Variants in OR2A1 observed in about 807,000 individuals in gnomAD.
OR2A1 encodes olfactory receptor 2A1/2A42.
For synonymous variants in OR2A1, 2 were observed against 94.7 expected (o/e 0.02, Z 5.68); for missense variants, 1 against 212.3 (o/e 0.00, Z 6.19).
At chr7:144,316,124 T>C (rs554988708) in intron 1 of OR2A1, among the ~76,000 whole-genome samples, 4 of 150,774 alleles carry the variant, frequency 2.7e-5, no homozygotes, top group African/African-American at 9.7e-5. Context: ...AGGAGAGTAT[T>C]TTTTTAATAG....
chr7:144,312,282 A>C (rs1731205), upstream of OR2A1, among the ~76,000 whole-genome samples: 17,772 of 62,522 alleles, frequency 0.28, 6,608 homozygotes, highest in East Asian at 0.7. Flanking sequence ...TCCAGTGATC[A>C]CTCAGCTGTC....
At position 144,322,305 on chromosome 7, in the gene OR2A1, C is replaced by T. The variant is rs2053176148; in HGVS notation, c.*3248C>T. The T allele has an allele frequency of 1.3e-5, 2 of 148,678 alleles. No homozygotes were observed. The highest frequency in any genetic ancestry group is 1.3e-4 in the Admixed American group (2 of 15,106). 9.2% of individuals were successfully genotyped at this position (148,678 alleles called of 1,614,324 possible). On this transcript the variant is annotated 3_prime_UTR_variant, in exon 2 of 2. Transcript: ENST00000641044. ...AAACATACGGAATACATAGAGGACA[C>T]TTTATCTGTTGACCCCATTTCCAAA...
intron 1 of OR2A1, among the ~76,000 whole-genome samples, chr7:144,313,421 T>TTGTTTTC: frequency 1.1e-5 from 1 of 93,880 alleles, no homozygotes; most frequent in African/African-American, 4.7e-5. Flanking sequence ...TGTTTGTTTT[T>TTGTTTTC]TTACCATCTT....
At chr7:144,313,189 G>A (rs1440101102) in intron 1 of OR2A1, among the ~76,000 whole-genome samples, 1 of 101,678 alleles carries the variant, frequency 9.8e-6, no homozygotes, top group Non-Finnish European at 2.0e-5. Context: ...CTCTGCCTGA[G>A]AACCTGATCC....
chr7:144,318,957 G>GT lies in OR2A1; in HGVS notation c.839dup (p.Asn281GlnfsTer5). ...CAAAAGGTCTTTTTTCTATTTTACA[G>GT]TTTTTTCAACCCAACACTTAACCCC... On this transcript the variant is annotated frameshift_variant, in exon 2 of 2. Transcript: ENST00000641044. LOFTEE classifies it low-confidence loss of function (END_TRUNC). 1.9e-6 allele frequency: 1 copy of GT among 516,884 alleles called. No individual in the cohort carries two copies. Among genetic ancestry groups the GT allele is most frequent in the South Asian group, 2.1e-5 (1 of 46,566 alleles). 32.0% of individuals were successfully genotyped at this position (516,884 alleles called of 1,614,324 possible). A position where few individuals can be genotyped will look rare whatever the true frequency, so the allele number is the denominator to read the frequency against.
chr7:144,316,123 T>A (rs1200608057), intron 1 of OR2A1, among the ~76,000 whole-genome samples: 1 of 150,702 alleles, frequency 6.6e-6, no homozygotes, highest in African/African-American at 2.4e-5. Context: ...TAGGAGAGTA[T>A]TTTTTTAATA....
chr7:144,316,516 G>GT (rs2128837095), intron 1 of OR2A1, among the ~76,000 whole-genome samples: 1 of 144,878 alleles, frequency 6.9e-6, no homozygotes, highest in South Asian at 2.2e-4. Flanking sequence ...CCCCAGTACT[G>GT]TGTTGTTCCC....
chr7:144,315,297 T>C (rs1635947), intron 1 of OR2A1, among the ~76,000 whole-genome samples: 35 of 54,622 alleles, frequency 6.4e-4, no homozygotes, highest in South Asian at 1.8e-3. Context: ...AAAAAGAAAA[T>C]AAAAGTGTCT....
Position 144,322,449 on chromosome 7 carries a change from G to A in OR2A1, c.*3392G>A, listed in dbSNP as rs1427477763. ...ATTATTGAGCACTTACTATGTGGTTGGCACTGCATAAAATGCTTTAGAAAA... is the reference window on the plus strand; with the variant it reads ...ATTATTGAGCACTTACTATGTGGTTAGCACTGCATAAAATGCTTTAGAAAA... On this transcript the variant is annotated 3_prime_UTR_variant, in exon 2 of 2. Coordinates refer to ENST00000641044, the MANE Select transcript of OR2A1 (RefSeq NM_001005287.2). The A allele has an allele frequency of 6.6e-6, 1 of 150,912 alleles. No homozygotes were observed. The highest frequency in any genetic ancestry group is 2.4e-5 in the African/African-American group (1 of 40,970). 9.3% of individuals were successfully genotyped at this position (150,912 alleles called of 1,614,324 possible).
chr7:144,316,091 A>G (rs1190521651), intron 1 of OR2A1, among the ~76,000 whole-genome samples: 12 of 150,206 alleles, frequency 8.0e-5, no homozygotes, highest in Non-Finnish European at 1.5e-4. Flanking sequence ...CGTGTTTTCC[A>G]ATTAAATGTA....
rs937860480 is a variant in OR2A1, at chr7:144,315,908, G to C, written c.-4-2213G>C. Among the ~76,000 whole-genome samples the C allele has an allele frequency of 4.8e-4, 41 of 86,212 alleles. 14 individuals are homozygous for C. In the Admixed American group the frequency reaches 6.1e-3, roughly 13 times the overall value. The allele number at this position is 86,212 out of a possible 152,430, so 56.6% of individuals were successfully genotyped here. A position where few individuals can be genotyped will look rare whatever the true frequency, so the allele number is the denominator to read the frequency against. On this transcript the variant is annotated intron_variant, in intron 1 of 1. Coordinates refer to ENST00000641044, the MANE Select transcript of OR2A1 (RefSeq NM_001005287.2). ...ATCCCAGCTACTTGGGAGGCTGAGG[G>C]GGAGGATCGCTTGAATCTGATATGT...
Position 144,320,540 on chromosome 7 carries a change from C to T in OR2A1, c.*1483C>T, listed in dbSNP as rs1305647659. 1 of 97,536 alleles carries T rather than the reference C, an allele frequency of 1.0e-5. No individual in the cohort carries two copies. Among genetic ancestry groups the T allele is most frequent in the African/African-American group, 5.3e-5 (1 of 18,752 alleles). The allele number at this position is 97,536 out of a possible 1,614,324, so 6.0% of individuals were successfully genotyped here. ...TCATAAAAACCCTATGAGGTAGAGA[C>T]TATTACTACTATTTTTAGGCGAGAA... is the stretch of plus-strand genomic sequence containing the variant. On this transcript the variant is annotated 3_prime_UTR_variant, in exon 2 of 2. Coordinates refer to ENST00000641044, the MANE Select transcript of OR2A1 (RefSeq NM_001005287.2).
At chr7:144,315,771 G>T (rs2053067855) in intron 1 of OR2A1, among the ~76,000 whole-genome samples, 1 of 103,968 alleles carries the variant, frequency 9.6e-6, no homozygotes, top group African/African-American at 2.9e-5. Context: ...GAGGTGGGAG[G>T]AGCACTTGAA....
At position 144,322,719 on chromosome 7, in the gene OR2A1, C is replaced by A. The variant is rs2053182274; in HGVS notation, c.*3662C>A. 1 of 150,598 alleles carries A rather than the reference C, an allele frequency of 6.6e-6. No homozygotes were observed. Among genetic ancestry groups the A allele is most frequent in the Non-Finnish European group, 1.5e-5 (1 of 67,738 alleles). The allele number at this position is 150,598 out of a possible 1,614,324, so 9.3% of individuals were successfully genotyped here. ...CTGTTCATAGTAGACACACAATAAA[C>A]TTTGACTAAATGAACAAATGAGTGG... On this transcript the variant is annotated 3_prime_UTR_variant, in exon 2 of 2. Transcript: ENST00000641044.
chr7:144,316,027 T>A (rs2053072746), intron 1 of OR2A1, among the ~76,000 whole-genome samples: 1 of 141,842 alleles, frequency 7.1e-6, no homozygotes, highest in Admixed American at 7.4e-5. Flanking sequence ...AATAAAGATG[T>A]TTATAAGGTG....
chr7:144,313,504 A>G (rs1401210681), intron 1 of OR2A1, among the ~76,000 whole-genome samples: 1 of 135,514 alleles, frequency 7.4e-6, no homozygotes, highest in African/African-American at 2.7e-5. Context: ...AGACACTACT[A>G]TTTCTCCACC....
rs1356915731 is a variant in OR2A1 at position 144,322,701 on chromosome 7, T to C, written c.*3644T>C. The C allele has an allele frequency of 6.7e-6, 1 of 150,312 alleles. No individual in the cohort carries two copies. Among genetic ancestry groups the C allele is most frequent in the Non-Finnish European group, 1.5e-5 (1 of 67,694 alleles). The allele number at this position is 150,312 out of a possible 1,614,324, so 9.3% of individuals were successfully genotyped here. On this transcript the variant is annotated 3_prime_UTR_variant, in exon 2 of 2. Coordinates refer to ENST00000641044, the MANE Select transcript of OR2A1 (RefSeq NM_001005287.2). ...GAATGGTTGGCAACAGGCCTGTTCA[T>C]AGTAGACACACAATAAACTTTGACT...
intron 1 of OR2A1, among the ~76,000 whole-genome samples, chr7:144,315,905 A>AG (rs1335930968): frequency 1.2e-5 from 1 of 86,194 alleles, no homozygotes; most frequent in African/African-American, 3.4e-5. Context: ...TGGGAGGCTG[A>AG]GGGGGAGGAT....
Position 144,322,564 on chromosome 7 carries a change from T to G in OR2A1, c.*3507T>G, listed in dbSNP as rs2053180236. 1 of 150,588 alleles carries G rather than the reference T, an allele frequency of 6.6e-6. No individual in the cohort carries two copies. Among genetic ancestry groups the G allele is most frequent in the South Asian group, 2.1e-4 (1 of 4,806 alleles). The allele number at this position is 150,588 out of a possible 1,614,324, so 9.3% of individuals were successfully genotyped here. A position where few individuals can be genotyped will look rare whatever the true frequency, so the allele number is the denominator to read the frequency against. ...AGTTTAGTGTAATTAATTAATTTAT[T>G]CAAGGTCGCCAAATCATTCAGTGGT... On this transcript the variant is annotated 3_prime_UTR_variant, in exon 2 of 2. Transcript: ENST00000641044.
Sources: allele counts gnomAD v4.1 joint callset (sites outside exome capture counted in the v4.1 genomes callset), GRCh38; gene constraint gnomAD v4.1.1; transcripts MANE v1.5; gene names NCBI Gene and HGNC (gene_info 2026-07-23, HGNC 2026-07-21).